CACNA1C: variants seen among roughly 807,000 people sequenced by gnomAD.
The protein encoded by CACNA1C is voltage-dependent L-type calcium channel subunit alpha-1C.
A neutral mutation model predicts 229.0 loss-of-function variants in CACNA1C; 30 were observed. The observed-to-expected ratio is 0.13, with a 90% CI of 0.10 to 0.18. The LOEUF (loss-of-function observed/expected upper bound fraction) is 0.18. Among genes scored for constraint, CACNA1C ranks in the 10% least tolerant of loss-of-function variants. The probability of loss-of-function intolerance (pLI) is 1.00; values close to 1 mark genes in which losing one functional copy is unlikely to be tolerated. For synonymous variants in CACNA1C, 1,114 were observed against 1,132.5 expected, an observed-to-expected ratio of 0.98 and a Z score of 0.33; for missense variants, 1,658 against 2,845.0, an observed-to-expected ratio of 0.58 and a Z score of 9.49.
At position 2,665,559 on chromosome 12, in the gene CACNA1C, C is replaced by T; in HGVS notation, c.4399-22C>T. On this transcript the variant is annotated intron_variant, in intron 35 of 46. Transcript: ENST00000399655. The surrounding 1 kb of genome is among the most constrained non-coding windows in gnomAD (Gnocchi z 5.9). ...GTGTAGGAAGGTCTTCTCACAGCAC[C>T]TCATTGTACTGTTCCCCACAGATCA... 5.0e-6 allele frequency: 8 copies of T among 1,611,970 alleles called. No individual in the cohort carries two copies. The highest frequency in any genetic ancestry group is 6.8e-6 in the Non-Finnish European group (8 of 1,178,654).
rs775702614 is a variant in CACNA1C at position 2,053,518 on chromosome 12, C to T, written c.-45C>T. 11 of 1,556,196 alleles carry T rather than the reference C, an allele frequency of 7.1e-6. No individual in the cohort carries two copies. Among genetic ancestry groups the T allele is most frequent in the East Asian group, 2.4e-5 (1 of 41,384 alleles). On this transcript the variant is annotated 5_prime_UTR_variant, in exon 1 of 47. Transcript: ENST00000399655. The surrounding 1 kb of genome is among the most constrained non-coding windows in gnomAD (Gnocchi z 5.8). ...CCCGCCGGGGGGTGTTTTCACATTT[C>T]TTCCTCTTCGTGGCTGCTCCTCCTA...
chr12:2,501,456 C>A (rs1314451930), intron 7 of CACNA1C, among the ~76,000 whole-genome samples: 1 of 152,144 alleles, frequency 6.6e-6, no homozygotes, highest in Non-Finnish European at 1.5e-5. Flanking sequence ...CAACAGAACC[C>A]TTACACAAGT....
At chr12:1,979,666 A>ATAT (rs2035552187) in intron 1 of CACNA1C, among the ~76,000 whole-genome samples, 1 of 152,246 alleles carries the variant, frequency 6.6e-6, no homozygotes, top group Admixed American at 6.5e-5. Context: ...TACGCTAGTT[A>ATAT]TATGTTTAAG....
At chr12:2,582,728 C>A in intron 14 of CACNA1C, 94 bp from the exon 15 acceptor site, 2 of 1,407,896 alleles carry the variant, frequency 1.4e-6, no homozygotes, top group Non-Finnish European at 2.0e-6. Flanking sequence ...AAATTTTGGA[C>A]AATTTTGTTG....
At chr12:2,200,698 C>T (rs10459125) in intron 3 of CACNA1C, among the ~76,000 whole-genome samples, 51,796 of 151,972 alleles carry the variant, frequency 0.34, 9,309 homozygotes, top group South Asian at 0.39. Flanking sequence ...ACAAAGAAAG[C>T]AAATAGAATG....
At position 2,679,542 on chromosome 12, in the gene CACNA1C, C is replaced by T; in HGVS notation, c.5190C>T (p.Ile1730=). 1 of 1,613,276 alleles carries T rather than the reference C, an allele frequency of 6.2e-7. No individual in the cohort carries two copies. Among genetic ancestry groups the T allele is most frequent in the African/African-American group, 1.3e-5 (1 of 75,048 alleles). Residue 1730 remains isoleucine (I), a synonymous_variant, in exon 42 of 47, where the codon ATC becomes ATT. Coordinates refer to ENST00000399655, the MANE Select transcript of CACNA1C (RefSeq NM_000719.7). This position sits in a 1 kb window ranked among gnomAD's most constrained non-coding sequence, Gnocchi z 5.5. ...TCACCACTCAGCGCCCGCTGCACATCAACAAGGCGGGCAGCAGCCAGGGCG... is the reference window on the plus strand; with the variant it reads ...TCACCACTCAGCGCCCGCTGCACATTAACAAGGCGGGCAGCAGCCAGGGCG... ...QTFTTQRPLH[I]NKAGSSQGDT... is the part of the protein sequence containing the mutation.
At chr12:2,600,603 T>G (rs2071504051) in intron 21 of CACNA1C, among the ~76,000 whole-genome samples, 1 of 152,172 alleles carries the variant, frequency 6.6e-6, no homozygotes, top group Non-Finnish European at 1.5e-5. Flanking sequence ...CTTACGCAAG[T>G]CGGCAAAATG....
chr12:2,106,944 C>G (rs1486651278), intron 1 of CACNA1C, among the ~76,000 whole-genome samples: 5 of 93,278 alleles, frequency 5.4e-5, no homozygotes, highest in Admixed American at 2.1e-4. Context: ...CTGGGGCGTC[C>G]TGAAGCCACT....
At position 2,679,032 on chromosome 12, in the gene CACNA1C, C is replaced by T. The variant is rs1397612679; in HGVS notation, c.5092-412C>T. 1.3e-5 allele frequency among the ~76,000 whole-genome samples: 2 copies of T among 152,222 alleles called. No homozygotes were observed. Among genetic ancestry groups the T allele is most frequent in the Admixed American group, 6.5e-5 (1 of 15,294 alleles). On this transcript the variant is annotated intron_variant, in intron 41 of 46. Coordinates refer to ENST00000399655, the MANE Select transcript of CACNA1C (RefSeq NM_000719.7). This position sits in a 1 kb window ranked among gnomAD's most constrained non-coding sequence, Gnocchi z 5.5. Reference sequence around the variant, plus strand: ...TTAAATCTGGTTAGAATCTTCTGGTCGCTCTCCCAGCCCCCGCCCTCACGG... The same window carrying T: ...TTAAATCTGGTTAGAATCTTCTGGTTGCTCTCCCAGCCCCCGCCCTCACGG...
At chr12:2,250,308 G>A (rs2075129255) in intron 3 of CACNA1C, among the ~76,000 whole-genome samples, 1 of 152,188 alleles carries the variant, frequency 6.6e-6, no homozygotes, top group Non-Finnish European at 1.5e-5. Context: ...CCCAGCACCT[G>A]GAGTTGGGAG....
intron 9 of CACNA1C, among the ~76,000 whole-genome samples, chr12:2,535,002 G>T (rs2099849754): frequency 6.6e-6 from 1 of 152,194 alleles, no homozygotes. Context: ...TGATACATGG[G>T]AGAGGGAAGC....
At chr12:2,182,271 C>T (rs181250372) in intron 3 of CACNA1C, among the ~76,000 whole-genome samples, 1 of 152,262 alleles carries the variant, frequency 6.6e-6, no homozygotes, top group Non-Finnish European at 1.5e-5. Flanking sequence ...AACACAGGCT[C>T]CCCGTTGTGT....
chr12:2,496,393 G>C (rs985362900), intron 7 of CACNA1C, among the ~76,000 whole-genome samples: 2 of 152,160 alleles, frequency 1.3e-5, no homozygotes, highest in African/African-American at 4.8e-5. Context: ...TTCAAATATA[G>C]TAATGCATGG....
At chr12:2,611,575 C>T (rs1020498071) in intron 28 of CACNA1C, among the ~76,000 whole-genome samples, 1 of 152,006 alleles carries the variant, frequency 6.6e-6, no homozygotes, top group Non-Finnish European at 1.5e-5. Context: ...TAAGGTGTGG[C>T]GTGTGGAGGG....
intron 1 of CACNA1C, among the ~76,000 whole-genome samples, chr12:2,092,593 T>C (rs1163750756): frequency 1.3e-5 from 2 of 152,196 alleles, no homozygotes; most frequent in African/African-American, 4.8e-5. Context: ...CCAAGGACAG[T>C]TGGCGTCCTT....
chr12:2,565,197 G>C (rs185354878), intron 11 of CACNA1C, among the ~76,000 whole-genome samples: 3 of 152,110 alleles, frequency 2.0e-5, no homozygotes, highest in Admixed American at 6.5e-5. Context: ...GGCCGGGCGC[G>C]GTGGCTCACG....
chr12:2,470,843 CT>C (rs558032149), intron 5 of CACNA1C, among the ~76,000 whole-genome samples: 97 of 146,948 alleles, frequency 6.6e-4, no homozygotes, highest in Admixed American at 6.1e-4. Flanking sequence ...TATACTTGAT[CT>C]TTTTTTTTTT....
At chr12:2,221,059 G>A (rs2061345928) in intron 3 of CACNA1C, among the ~76,000 whole-genome samples, 1 of 152,242 alleles carries the variant, frequency 6.6e-6, no homozygotes, top group Admixed American at 6.5e-5. Flanking sequence ...ACAAGAAGGA[G>A]CTAGGCTTGC....
Position 2,249,772 on chromosome 12 carries a change from C to CTT in CACNA1C, c.477+129357_477+129358dup, listed in dbSNP as rs369050599. ...CAGTGACATCTGCCTTGCCTTCTCT[C>CTT]TTTTTTTTTTTTTTTTGAGATGGAG... On this transcript the variant is annotated intron_variant, in intron 3 of 46. Transcript: ENST00000399655. Among the ~76,000 whole-genome samples, 132 of 138,750 alleles carry CTT rather than the reference C, an allele frequency of 9.5e-4. 1 individual carries two copies. Among genetic ancestry groups the CTT allele is most frequent in the South Asian group, 1.9e-3 (8 of 4,214 alleles). 91.0% of individuals were successfully genotyped at this position (138,750 alleles called of 152,430 possible). A position where few individuals can be genotyped will look rare whatever the true frequency, so the allele number is the denominator to read the frequency against.
Sources: gnomAD v4.1 joint callset for allele counts (sites outside exome capture counted in the v4.1 genomes callset) on GRCh38, gnomAD v4.1.1 for gene constraint, Gnocchi (gnomAD v3.1) non-coding constraint, MANE v1.5 for transcripts, NCBI Gene and HGNC (gene_info 2026-07-23, HGNC 2026-07-21) for gene names.